The following ABL2 variants were observed in gnomAD, a reference collection of about 807,000 sequenced individuals.
ABL2 encodes the protein ABL proto-oncogene 2, non-receptor tyrosine kinase, also known as tyrosine-protein kinase ABL2.
ABL2 carries 49 observed loss-of-function variants against 107.7 expected under a neutral mutation model. That is an observed-to-expected ratio of 0.45 (90% confidence interval 0.36 to 0.58). The LOEUF (loss-of-function observed/expected upper bound fraction) is 0.58. Among genes scored for constraint, ABL2 ranks in the 20% least tolerant of loss-of-function variants. The probability of loss-of-function intolerance (pLI) is 0.00; values close to 1 mark genes in which losing one functional copy is unlikely to be tolerated. For missense variants in ABL2, 1,245 were observed against 1,457.0 expected, an observed-to-expected ratio of 0.85 and a Z score of 2.37; for synonymous variants, 549 against 548.6, an observed-to-expected ratio of 1.00 and a Z score of -0.01.
At chr1:179,167,554 G>A (rs1217278761) in intron 1 of ABL2, among the ~76,000 whole-genome samples, 1 of 152,168 alleles carries the variant, frequency 6.6e-6, no homozygotes, top group African/African-American at 2.4e-5. Context: ...TTTCTAGGTA[G>A]CTAGAAAAGA....
intron 1 of ABL2, among the ~76,000 whole-genome samples, chr1:179,164,456 T>C (rs972534817): frequency 1.3e-5 from 2 of 152,198 alleles, no homozygotes; most frequent in African/African-American, 4.8e-5. Flanking sequence ...ATAAAATATG[T>C]GGAATTCAGC....
chr1:179,144,730 A>G (rs1384684282), intron 1 of ABL2, among the ~76,000 whole-genome samples: 2 of 152,216 alleles, frequency 1.3e-5, no homozygotes, highest in African/African-American at 4.8e-5. Flanking sequence ...CAATAAAATT[A>G]TCCTTTATAA....
In ABL2 at chr1:179,109,333, G is replaced by A; in HGVS notation, c.1934C>T (p.Thr645Ile). ...LLEDAKETCFTRDRKGGFFSS... is the reference protein window; with the variant it reads ...LLEDAKETCFIRDRKGGFFSS... ...GAAGAAGCCCCCCTTCCTATCCCTG[G>A]TGAAGCATGTCTCTTTGGCATCTTC... The change falls in exon 12 of 12, where the codon ACC becomes ATC. Residue 645 changes from threonine to isoleucine, a missense_variant. Transcript: ENST00000502732. 2 of 1,614,004 alleles carry A rather than the reference G, an allele frequency of 1.2e-6. No homozygotes were observed. The highest frequency in any genetic ancestry group is 1.3e-5 in the African/African-American group (1 of 74,964).
At chr1:179,120,844 G>A (rs1655122971) in intron 5 of ABL2, among the ~76,000 whole-genome samples, 3 of 152,174 alleles carry the variant, frequency 2.0e-5, no homozygotes, top group Admixed American at 1.3e-4. Flanking sequence ...CCCTGTATTG[G>A]ATAGTTCAGT....
At chr1:179,158,254 T>C (rs1557963100) in intron 1 of ABL2, among the ~76,000 whole-genome samples, 1 of 152,220 alleles carries the variant, frequency 6.6e-6, no homozygotes, top group Admixed American at 6.5e-5. Context: ...AGCATCACAA[T>C]ATCCAAGAGC....
chr1:179,180,395 C>T (rs1438613215), intron 1 of ABL2, among the ~76,000 whole-genome samples: 1 of 152,268 alleles, frequency 6.6e-6, no homozygotes, highest in South Asian at 2.1e-4. Flanking sequence ...CTTATACGTT[C>T]CCTCTGAGGA....
chr1:179,170,103 T>A (rs180738201), intron 1 of ABL2, among the ~76,000 whole-genome samples: 7 of 152,218 alleles, frequency 4.6e-5, no homozygotes, highest in Non-Finnish European at 8.8e-5. Flanking sequence ...TCCAAGGGCA[T>A]AGCACCAACA....
intron 4 of ABL2, among the ~76,000 whole-genome samples, chr1:179,123,199 A>G (rs1655392339): frequency 6.6e-6 from 1 of 152,176 alleles, no homozygotes; most frequent in African/African-American, 2.4e-5. Context: ...CTAGGCCATT[A>G]AAGAAAGAGC....
At chr1:179,229,172 CACCCACCCCGCCCCG>C in intron 1 of ABL2, 54 bp downstream of exon 1, 9 of 351,898 alleles carry the variant, frequency 2.6e-5, no homozygotes, top group Non-Finnish European at 4.9e-5. Context: ...GCCCGTCCGC[CACCCACCCCGCCCCG>C]ACCCCACCCC....
intron 2 of ABL2, 79 bp downstream of exon 2, chr1:179,133,233 A>T: frequency 1.3e-6 from 2 of 1,584,868 alleles, no homozygotes; most frequent in South Asian, 2.3e-5. Flanking sequence ...GGTTCCATTT[A>T]TTTTCAAATC....
chr1:179,127,182 C>CA (rs1159502471), intron 3 of ABL2, among the ~76,000 whole-genome samples: 1 of 151,624 alleles, frequency 6.6e-6, no homozygotes, highest in African/African-American at 2.4e-5. Context: ...TGTAAAAAAA[C>CA]AAAAACAAAA....
intron 1 of ABL2, among the ~76,000 whole-genome samples, chr1:179,190,387 A>G (rs1660930868): frequency 6.6e-6 from 1 of 152,212 alleles, no homozygotes; most frequent in African/African-American, 2.4e-5. Flanking sequence ...CCAAATAAAA[A>G]GATACACAGA....
Position 179,105,789 on chromosome 1 carries a change from A to T in ABL2, c.*1929T>A, listed in dbSNP as rs1361726525. On this transcript the variant is annotated 3_prime_UTR_variant, in exon 12 of 12. Coordinates refer to ENST00000502732, the MANE Select transcript of ABL2 (RefSeq NM_007314.4). ...AAAAATGCCAAACTCTATTCAAAACATAGTTTTCCCCTTAGTATTCTAGCC... is the reference window on the plus strand; with the variant it reads ...AAAAATGCCAAACTCTATTCAAAACTTAGTTTTCCCCTTAGTATTCTAGCC... The T allele has an allele frequency of 4.4e-6, 1 of 225,750 alleles. No individual in the cohort carries two copies. Among genetic ancestry groups the T allele is most frequent in the Admixed American group, 5.7e-5 (1 of 17,534 alleles). 14.0% of individuals were successfully genotyped at this position (225,750 alleles called of 1,614,324 possible). A position where few individuals can be genotyped will look rare whatever the true frequency, so the allele number is the denominator to read the frequency against.
In ABL2 at chr1:179,105,139, C is replaced by T. The variant is rs143526239; in HGVS notation, c.*2579G>A. ...ACAAAAATCAATTCCATTTATATAT[C>T]GTGCACCCACTGTAGGCAAGACAGC... is the stretch of plus-strand genomic sequence containing the variant. On this transcript the variant is annotated 3_prime_UTR_variant, in exon 12 of 12. Coordinates refer to ENST00000502732, the MANE Select transcript of ABL2 (RefSeq NM_007314.4). The T allele has an allele frequency of 1.9e-3, 432 of 229,842 alleles. 1 individual carries two copies. The highest frequency in any genetic ancestry group is 9.2e-3 in the African/African-American group (416 of 45,240). 14.2% of individuals were successfully genotyped at this position (229,842 alleles called of 1,614,324 possible).
chr1:179,132,230 CG>C (rs1321573736), intron 2 of ABL2, among the ~76,000 whole-genome samples: 2 of 152,170 alleles, frequency 1.3e-5, no homozygotes, highest in African/African-American at 4.8e-5. Flanking sequence ...TTACTATCAT[CG>C]GGCATTTATT....
chr1:179,176,057 T>C (rs568980761), intron 1 of ABL2, among the ~76,000 whole-genome samples: 1 of 152,084 alleles, frequency 6.6e-6, no homozygotes, highest in South Asian at 2.1e-4. Flanking sequence ...GTTTTCACCA[T>C]GTTGGCCAGG....
rs546159217 is a variant in ABL2, at chr1:179,173,559, C to T, written c.158-40185G>A. ...TAGAGAGGGGGTTTCACCATGTTGG[C>T]CAGGATAGTCTCGATCTCCTGACCT... On this transcript the variant is annotated intron_variant, in intron 1 of 11. Coordinates refer to ENST00000502732, the MANE Select transcript of ABL2 (RefSeq NM_007314.4). Among the ~76,000 whole-genome samples the T allele has an allele frequency of 1.9e-3, 282 of 151,910 alleles. 1 individual carries two copies. The highest frequency in any genetic ancestry group is 3.1e-3 in the Admixed American group (47 of 15,254).
At position 179,105,616 on chromosome 1, in the gene ABL2, A is replaced by G. The variant is rs1023092861; in HGVS notation, c.*2102T>C. 1 of 228,372 alleles carries G rather than the reference A, an allele frequency of 4.4e-6. No homozygotes were observed. The highest frequency in any genetic ancestry group is 5.7e-5 in the Admixed American group (1 of 17,606). 14.1% of individuals were successfully genotyped at this position (228,372 alleles called of 1,614,324 possible). A position where few individuals can be genotyped will look rare whatever the true frequency, so the allele number is the denominator to read the frequency against. ...TGCCTGTGCTGCAACTGCAGGTGAC[A>G]TACTGCGGGGATCACCCAACACCTG... is the stretch of plus-strand genomic sequence containing the variant. On this transcript the variant is annotated 3_prime_UTR_variant, in exon 12 of 12. Transcript: ENST00000502732.
chr1:179,110,964 A>G (rs878973122), intron 10 of ABL2: 1 of 709,952 alleles, frequency 1.4e-6, no homozygotes. Flanking sequence ...CTAAAATTTG[A>G]TGTTATTATT....
Sources: allele counts gnomAD v4.1 joint callset (sites outside exome capture counted in the v4.1 genomes callset), GRCh38; gene constraint gnomAD v4.1.1; transcripts MANE v1.5; gene names NCBI Gene and HGNC (gene_info 2026-07-23, HGNC 2026-07-21).